The following HCN1 variants were observed in gnomAD, a reference collection of about 807,000 sequenced individuals.
HCN1 encodes the protein hyperpolarization activated cyclic nucleotide gated potassium channel 1.
HCN1 carries 13 observed loss-of-function variants against 78.9 expected under a neutral mutation model. The ratio of observed to expected loss-of-function variants is 0.16; its 90% confidence interval spans 0.11 to 0.26. The LOEUF is 0.26. Among genes scored for constraint, HCN1 ranks in the 10% least tolerant of loss-of-function variants. The pLI is 1.00. For missense variants in HCN1, 810 were observed against 1,154.3 expected (o/e 0.70, Z 4.32); for synonymous variants, 552 against 455.5 (o/e 1.21, Z -2.70).
At chr5:45,356,647 A>G (rs1015102267) in intron 4 of HCN1, among the ~76,000 whole-genome samples, 3 of 151,950 alleles carry the variant, frequency 2.0e-5, no homozygotes, top group African/African-American at 7.2e-5. Context: ...CTGTGTCACT[A>G]GTGTTAATTC....
At chr5:45,446,263 C>A (rs138279086) in intron 3 of HCN1, among the ~76,000 whole-genome samples, 1 of 151,792 alleles carries the variant, frequency 6.6e-6, no homozygotes, top group African/African-American at 2.4e-5. Context: ...GGAGCCAATG[C>A]GATCAACTGG....
At chr5:45,538,621 C>A (rs1477129812) in intron 2 of HCN1, among the ~76,000 whole-genome samples, 1 of 152,108 alleles carries the variant, frequency 6.6e-6, no homozygotes, top group Non-Finnish European at 1.5e-5. Context: ...TTATTTACTT[C>A]ATTTGCAATA....
chr5:45,527,055 T>TTCTC (rs142451723), intron 2 of HCN1, among the ~76,000 whole-genome samples: 2 of 129,172 alleles, frequency 1.5e-5, no homozygotes, highest in Admixed American at 7.9e-5. Flanking sequence ...TTCTCCCTCT[T>TTCTC]TCTCTCTCTC....
In HCN1 at chr5:45,495,594, C is replaced by A. The variant is rs572793895; in HGVS notation, c.850-33587G>T. The stretch of plus-strand genomic sequence containing the variant: ...TTTCCTAATTGAATACACTTTATTT[C>A]CTTCTCCTAACTGATTGCCCTGGCC... On this transcript the variant is annotated intron_variant, in intron 2 of 7. Transcript: ENST00000303230. Among the ~76,000 whole-genome samples, 123 of 152,264 alleles carry A rather than the reference C, an allele frequency of 8.1e-4. 4 individuals are homozygous for A. The South Asian group carries it at 0.024, about 30-fold the overall frequency.
chr5:45,689,661 C>T (rs1739870304), intron 1 of HCN1, among the ~76,000 whole-genome samples: 1 of 152,016 alleles, frequency 6.6e-6, no homozygotes, highest in Non-Finnish European at 1.5e-5. Flanking sequence ...GGCTGGAACA[C>T]AGAGCTGGAA....
intron 5 of HCN1, among the ~76,000 whole-genome samples, chr5:45,338,799 G>C (rs549439427): frequency 1.5e-4 from 23 of 151,998 alleles, no homozygotes; most frequent in African/African-American, 4.3e-4. Context: ...ATTTCTCATC[G>C]TTCTTACTAA....
intron 6 of HCN1, among the ~76,000 whole-genome samples, chr5:45,281,687 A>T (rs910755953): frequency 7.1e-6 from 1 of 141,764 alleles, no homozygotes; most frequent in Non-Finnish European, 1.5e-5. Context: ...TCCTGGGTTC[A>T]AGCAATTATC....
intron 2 of HCN1, among the ~76,000 whole-genome samples, chr5:45,553,816 T>A (rs79008548): frequency 1.6e-4 from 25 of 152,082 alleles, no homozygotes; most frequent in African/African-American, 5.8e-4. Context: ...CTGTTTTTTA[T>A]TGATTTTTTC....
At chr5:45,433,651 G>A (rs1443511904) in intron 3 of HCN1, among the ~76,000 whole-genome samples, 1 of 152,148 alleles carries the variant, frequency 6.6e-6, no homozygotes, top group Admixed American at 6.5e-5. Flanking sequence ...CACAGCTGCT[G>A]ATGTATTTTT....
At chr5:45,606,611 G>A (rs2111971869) in intron 2 of HCN1, among the ~76,000 whole-genome samples, 1 of 151,960 alleles carries the variant, frequency 6.6e-6, no homozygotes, top group South Asian at 2.1e-4. Context: ...ACATAAACCG[G>A]ATTAAAACCC....
intron 5 of HCN1, among the ~76,000 whole-genome samples, chr5:45,312,856 C>G (rs1745884782): frequency 6.6e-6 from 1 of 152,162 alleles, no homozygotes; most frequent in Non-Finnish European, 1.5e-5. Context: ...AGTAGGTAAA[C>G]AAAGCAGCCT....
At chr5:45,471,649 T>C (rs1561167568) in intron 2 of HCN1, among the ~76,000 whole-genome samples, 1 of 151,966 alleles carries the variant, frequency 6.6e-6, no homozygotes, top group South Asian at 2.1e-4. Flanking sequence ...TGCTGAACCA[T>C]GAACGTTTAT....
intron 3 of HCN1, 77 bp from the exon 4 acceptor site, chr5:45,396,787 G>A: frequency 9.4e-7 from 1 of 1,066,442 alleles, no homozygotes. Context: ...CCTGTACACA[G>A]AAGCATTATA....
intron 1 of HCN1, among the ~76,000 whole-genome samples, chr5:45,673,367 C>G (rs1364841186): frequency 6.6e-6 from 1 of 151,478 alleles, no homozygotes; most frequent in Non-Finnish European, 1.5e-5. Flanking sequence ...CTATTGACAG[C>G]CTACAGGTAA....
At chr5:45,479,141 GA>G (rs1047832891) in intron 2 of HCN1, among the ~76,000 whole-genome samples, 8 of 147,598 alleles carry the variant, frequency 5.4e-5, no homozygotes, top group African/African-American at 2.1e-4. Flanking sequence ...AAAAAAAAAA[GA>G]ATGAGTTGAA....
rs565667585 is a variant in HCN1, at chr5:45,582,635, T to C, written c.849+62550A>G. On this transcript the variant is annotated intron_variant, in intron 2 of 7. Transcript: ENST00000303230. ...GGAATACTTCCAGTTTTTGCCCATT[T>C]AGTATGATATTGGCTGTGGGTTTGT... Among the ~76,000 whole-genome samples, 869 of 152,262 alleles carry C rather than the reference T, an allele frequency of 5.7e-3. 5 individuals carry two copies. Among genetic ancestry groups the C allele is most frequent in the Non-Finnish European group, 8.8e-3 (598 of 68,012 alleles).
At chr5:45,284,857 C>G (rs1252905950) in intron 6 of HCN1, among the ~76,000 whole-genome samples, 1 of 152,036 alleles carries the variant, frequency 6.6e-6, no homozygotes. Context: ...AGATTTATTT[C>G]TCTTTTCTAT....
chr5:45,690,184 A>G (rs930445977), intron 1 of HCN1, among the ~76,000 whole-genome samples: 3 of 152,106 alleles, frequency 2.0e-5, no homozygotes, highest in Non-Finnish European at 4.4e-5. Context: ...AATTAGCCTT[A>G]TGTTTTTAGA....
chr5:45,337,341 C>T (rs548856266), intron 5 of HCN1, among the ~76,000 whole-genome samples: 11 of 152,180 alleles, frequency 7.2e-5, no homozygotes, highest in Non-Finnish European at 2.9e-5. Flanking sequence ...TGCCAGCATG[C>T]TTTTGTAATA....
Sources: allele counts gnomAD v4.1 joint callset (sites outside exome capture counted in the v4.1 genomes callset), GRCh38; gene constraint gnomAD v4.1.1; transcripts MANE v1.5; gene names NCBI Gene and HGNC (gene_info 2026-07-23, HGNC 2026-07-21).